CHRNA7: variants seen among roughly 807,000 people sequenced by gnomAD.
The protein encoded by CHRNA7 is cholinergic receptor nicotinic alpha 7 subunit.
A neutral mutation model predicts 48.0 loss-of-function variants in CHRNA7; 17 were observed. That is an observed-to-expected ratio of 0.35 (90% confidence interval 0.24 to 0.53). The LOEUF is 0.53. CHRNA7 is among the 20% of genes least tolerant of loss of function. The pLI is 0.92. For synonymous variants in CHRNA7, 75 were observed against 242.3 expected, an observed-to-expected ratio of 0.31 and a Z score of 6.41; for missense variants, 155 against 577.7, an observed-to-expected ratio of 0.27 and a Z score of 7.50.
intron 2 of CHRNA7, among the ~76,000 whole-genome samples, chr15:32,079,648 A>T (rs1566824148): frequency 1.3e-5 from 2 of 152,214 alleles, no homozygotes; most frequent in African/African-American, 2.4e-5. Flanking sequence ...ATCAGAGAGG[A>T]TACAAACAAA....
At chr15:32,126,170 T>C (rs1205579759) in intron 4 of CHRNA7, among the ~76,000 whole-genome samples, 1 of 152,228 alleles carries the variant, frequency 6.6e-6, no homozygotes, top group Admixed American at 6.5e-5. Flanking sequence ...AGGCAAAATA[T>C]GTTGTGCCTG....
chr15:32,066,224 T>C (rs2049963651), intron 2 of CHRNA7, among the ~76,000 whole-genome samples: 1 of 151,730 alleles, frequency 6.6e-6, no homozygotes, highest in Non-Finnish European at 1.5e-5. Flanking sequence ...AATAAACAAA[T>C]AGCAGCAACA....
At chr15:32,124,890 G>A (rs2051038163) in intron 4 of CHRNA7, among the ~76,000 whole-genome samples, 1 of 152,154 alleles carries the variant, frequency 6.6e-6, no homozygotes, top group Admixed American at 6.5e-5. Context: ...GACACAAGGA[G>A]GAGATGTGTA....
chr15:32,108,755 C>G (rs1463638360), intron 3 of CHRNA7, among the ~76,000 whole-genome samples: 1 of 152,228 alleles, frequency 6.6e-6, no homozygotes, highest in African/African-American at 2.4e-5. Context: ...AAATCTCTCT[C>G]TCTTTTTTTA....
chr15:32,129,641 T>A (rs2051123324), intron 4 of CHRNA7, among the ~76,000 whole-genome samples: 1 of 151,960 alleles, frequency 6.6e-6, no homozygotes, highest in African/African-American at 2.4e-5. Flanking sequence ...GGTATTAGTT[T>A]GTCAATTTTA....
chr15:32,114,042 A>ATG (rs1491051423), intron 4 of CHRNA7, among the ~76,000 whole-genome samples: 2 of 70,348 alleles, frequency 2.8e-5, no homozygotes, highest in African/African-American at 5.4e-5. Context: ...ATATATATAT[A>ATG]TGTATATATA....
At chr15:32,063,538 AG>A (rs1487309208) in intron 2 of CHRNA7, among the ~76,000 whole-genome samples, 1 of 152,214 alleles carries the variant, frequency 6.6e-6, no homozygotes, top group Non-Finnish European at 1.5e-5. Flanking sequence ...TTCACCAACC[AG>A]GTAGTTTCCC....
At chr15:32,051,748 G>C (rs962553736) in intron 2 of CHRNA7, among the ~76,000 whole-genome samples, 1 of 152,218 alleles carries the variant, frequency 6.6e-6, no homozygotes, top group African/African-American at 2.4e-5. Context: ...GCATTGCTCA[G>C]GCTGGGAGCT....
At chr15:32,123,234 GTTTGGTGTCGGCCTTC>G (rs1313703306) in intron 4 of CHRNA7, among the ~76,000 whole-genome samples, 1 of 152,158 alleles carries the variant, frequency 6.6e-6, no homozygotes, top group Non-Finnish European at 1.5e-5. Flanking sequence ...AACAGCAGAC[GTTTGGTGTCGGCCTTC>G]TTTGGTTCAT....
At chr15:32,120,430 T>C (rs1268872933) in intron 4 of CHRNA7, among the ~76,000 whole-genome samples, 1 of 152,006 alleles carries the variant, frequency 6.6e-6, no homozygotes, top group Non-Finnish European at 1.5e-5. Context: ...TTCTTTTCTT[T>C]TCTTTTCTTT....
Position 32,148,331 on chromosome 15 carries a change from G to A in CHRNA7, c.351-5576G>A, listed in dbSNP as rs145416011. ...TGGACCCCTGGCTTTTTCTCTCAAG[G>A]TTATAAGAGCCGGGCTTCTGGGTCA... On this transcript the variant is annotated intron_variant, in intron 4 of 9. Coordinates refer to ENST00000306901, the MANE Select transcript of CHRNA7 (RefSeq NM_000746.6). 2.0e-4 allele frequency among the ~76,000 whole-genome samples: 31 copies of A among 152,228 alleles called. No individual in the cohort carries two copies. In the East Asian group the frequency reaches 6.0e-3, roughly 29 times the overall value.
chr15:32,098,729 G>A (rs949861626), intron 2 of CHRNA7: 10 of 152,206 alleles, frequency 6.6e-5, no homozygotes, highest in African/African-American at 2.2e-4. Flanking sequence ...TTGTCACTCT[G>A]GGTGAAGTCC....
At chr15:32,071,146 A>G (rs986253846) in intron 2 of CHRNA7, among the ~76,000 whole-genome samples, 38 of 152,050 alleles carry the variant, frequency 2.5e-4, no homozygotes, top group Admixed American at 2.0e-4. Flanking sequence ...TCATTTATCT[A>G]TGTATTAATC....
intron 2 of CHRNA7, among the ~76,000 whole-genome samples, chr15:32,072,214 G>A (rs2050069148): frequency 6.6e-6 from 1 of 152,204 alleles, no homozygotes; most frequent in Admixed American, 6.5e-5. Context: ...TTTATGGAAA[G>A]TTGAACTTAA....
At position 32,155,030 on chromosome 15, in the gene CHRNA7, CCACT is replaced by C. The variant is rs1410231193; in HGVS notation, c.430+1047_430+1050del. Among the ~76,000 whole-genome samples, 13 of 48,562 alleles carry C rather than the reference CCACT, an allele frequency of 2.7e-4. No homozygotes were observed. The South Asian group carries it at 3.4e-3, about 13-fold the overall frequency. The allele number at this position is 48,562 out of a possible 152,430, so 31.9% of individuals were successfully genotyped here. ...ACTCCACACATACCACTCACACAAA[CCACT>C]CAAACCACCAACACACACACACCAG... is the stretch of plus-strand genomic sequence containing the variant. On this transcript the variant is annotated intron_variant, in intron 5 of 9. Transcript: ENST00000306901.
At chr15:32,096,886 C>T (rs956279173) in intron 2 of CHRNA7, among the ~76,000 whole-genome samples, 5 of 152,326 alleles carry the variant, frequency 3.3e-5, no homozygotes, top group South Asian at 2.1e-4. Context: ...GAGTTAGGCG[C>T]GTTGACTCGA....
chr15:32,168,756 GC>G lies in CHRNA7; in HGVS notation c.*299del. ...CACTGCCTGGAAAGCCCTTCGGAGA[GC>G]TCCCCATGGCTCCTCACCACCGAGA... On this transcript the variant is annotated 3_prime_UTR_variant, in exon 10 of 10. Transcript: ENST00000306901. 1 of 25,132 alleles carries G rather than the reference GC, an allele frequency of 4.0e-5. No homozygotes were observed. The highest frequency in any genetic ancestry group is 5.4e-4 in the South Asian group (1 of 1,840). The allele number at this position is 25,132 out of a possible 1,614,324, so 1.6% of individuals were successfully genotyped here.
At chr15:32,101,259 T>C (rs1171297343) in intron 2 of CHRNA7, 44 bp from the exon 3 acceptor site, 28 of 1,573,878 alleles carry the variant, frequency 1.8e-5, no homozygotes, top group Non-Finnish European at 2.3e-5. Context: ...CTTTCTTTTG[T>C]AAACCATATT....
intron 4 of CHRNA7, among the ~76,000 whole-genome samples, chr15:32,128,571 G>A: frequency 6.6e-6 from 1 of 151,380 alleles, no homozygotes; most frequent in East Asian, 1.9e-4. Context: ...CATGTTTACT[G>A]TTAGTATAGC....
Sources: gnomAD v4.1 joint callset for allele counts (sites outside exome capture counted in the v4.1 genomes callset) on GRCh38, gnomAD v4.1.1 for gene constraint, MANE v1.5 for transcripts, NCBI Gene and HGNC (gene_info 2026-07-23, HGNC 2026-07-21) for gene names.